Variants in FRMPD4 observed in about 807,000 individuals in gnomAD.
FRMPD4 encodes FERM and PDZ domain containing 4, also known as FERM and PDZ domain-containing protein 4.
FRMPD4 carries 22 observed loss-of-function variants against 94.1 expected under a neutral mutation model. The ratio of observed to expected loss-of-function variants is 0.23; its 90% CI spans 0.17 to 0.33. The LOEUF (loss-of-function observed/expected upper bound fraction) is 0.33. Among genes scored for constraint, FRMPD4 ranks in the 10% least tolerant of loss-of-function variants. The pLI is 1.00. For synonymous variants in FRMPD4, 631 were observed against 548.6 expected (o/e 1.15, Z -2.10); for missense variants, 1,111 against 1,339.9 (o/e 0.83, Z 2.67).
intron 3 of FRMPD4, among the ~76,000 whole-genome samples, chrX:11,906,278 G>C (rs1336571184): frequency 1.8e-5 from 2 of 109,862 alleles, no homozygotes; most frequent in African/African-American, 3.3e-5. Context: ...CTCCCGAGTA[G>C]CTGGGACTAC....
intron 3 of FRMPD4, among the ~76,000 whole-genome samples, chrX:12,006,101 G>A (rs2054552426): frequency 9.0e-6 from 1 of 111,714 alleles, no homozygotes; most frequent in African/African-American, 3.3e-5. Context: ...ACTGCCTGAA[G>A]CTCCTGGTCC....
At chrX:12,182,138 A>G (rs190974774) in intron 1 of FRMPD4, among the ~76,000 whole-genome samples, 1 of 111,551 alleles carries the variant, frequency 9.0e-6, no homozygotes, top group South Asian at 3.8e-4. Context: ...GGTAGTTCCA[A>G]AATAAAAACA....
intron 1 of FRMPD4, among the ~76,000 whole-genome samples, chrX:12,336,969 C>T (rs771870368): frequency 9.0e-6 from 1 of 111,059 alleles, no homozygotes; most frequent in East Asian, 2.8e-4. Flanking sequence ...GCTGGCAGGG[C>T]TTGAGTGGGA....
At chrX:12,645,629 A>T (rs2059541643) in intron 4 of FRMPD4, among the ~76,000 whole-genome samples, 1 of 110,447 alleles carries the variant, frequency 9.1e-6, no homozygotes, top group South Asian at 3.9e-4. Flanking sequence ...TGCTGGGATT[A>T]CAGGCGTGAG....
chrX:12,606,941 T>G (rs144882860), intron 2 of FRMPD4, among the ~76,000 whole-genome samples: 2,253 of 111,394 alleles, frequency 0.02, 53 homozygotes, highest in African/African-American at 0.07. Context: ...GCCCCATTCT[T>G]CCCCAGGCAT....
At chrX:11,993,248 C>T (rs1209956506) in intron 3 of FRMPD4, among the ~76,000 whole-genome samples, 2 of 110,395 alleles carry the variant, frequency 1.8e-5, no homozygotes, top group African/African-American at 6.6e-5. Flanking sequence ...GTATGGGTAC[C>T]CTCCCTCCCC....
chrX:12,348,821 C>A (rs1273897525), intron 1 of FRMPD4, among the ~76,000 whole-genome samples: 1 of 111,191 alleles, frequency 9.0e-6, no homozygotes, highest in Non-Finnish European at 1.9e-5. Context: ...TATGATGTTC[C>A]CCTCATAAAG....
intron 2 of FRMPD4, among the ~76,000 whole-genome samples, chrX:12,527,487 GTT>G (rs752107917): frequency 0.06 from 4,660 of 77,326 alleles, 116 homozygotes; most frequent in African/African-American, 0.14. Context: ...CTGAGTTACA[GTT>G]TTTTTTTTTT....
chrX:12,085,588 A>T (rs2055101941), intron 3 of FRMPD4, among the ~76,000 whole-genome samples: 2 of 111,805 alleles, frequency 1.8e-5, no homozygotes, highest in Non-Finnish European at 3.8e-5. Flanking sequence ...TGGATGCTGG[A>T]CATGTGGGCA....
chrX:12,681,877 T>C (rs2059976325), intron 5 of FRMPD4, among the ~76,000 whole-genome samples: 1 of 111,815 alleles, frequency 8.9e-6, no homozygotes, highest in African/African-American at 3.3e-5. Context: ...TTTACAACCA[T>C]TGCCGCTACC....
chrX:12,359,991 G>A (rs1601856480), intron 1 of FRMPD4, among the ~76,000 whole-genome samples: 1 of 111,866 alleles, frequency 8.9e-6, no homozygotes, highest in Non-Finnish European at 1.9e-5. Flanking sequence ...TGTGAATCAC[G>A]CTTGATGGAG....
chrX:11,947,083 G>A (rs951581551), intron 3 of FRMPD4, among the ~76,000 whole-genome samples: 10 of 111,341 alleles, frequency 9.0e-5, no homozygotes, highest in Non-Finnish European at 1.9e-4. Flanking sequence ...CTTACAGCCT[G>A]GGACCTTGAA....
intron 1 of FRMPD4, among the ~76,000 whole-genome samples, chrX:12,186,418 T>A (rs1450657551): frequency 2.7e-5 from 3 of 111,799 alleles, no homozygotes; most frequent in African/African-American, 9.7e-5. Context: ...AGCATAATTA[T>A]TTAATTGTTT....
chrX:12,587,034 C>T (rs919114368), intron 2 of FRMPD4, among the ~76,000 whole-genome samples: 2 of 108,515 alleles, frequency 1.8e-5, no homozygotes, highest in Non-Finnish European at 3.8e-5. Context: ...TGGAGTGTAG[C>T]GGTGTGATCT....
intron 4 of FRMPD4, among the ~76,000 whole-genome samples, chrX:12,673,373 G>A (rs2059863323): frequency 8.9e-6 from 1 of 111,841 alleles, no homozygotes; most frequent in South Asian, 3.8e-4. Flanking sequence ...TGTTATCCTG[G>A]AGATGGACAC....
intron 4 of FRMPD4, among the ~76,000 whole-genome samples, chrX:12,628,431 C>T (rs1452099913): frequency 8.9e-6 from 1 of 111,768 alleles, no homozygotes; most frequent in Non-Finnish European, 1.9e-5. Flanking sequence ...CATGTCACCC[C>T]TTGTTCACCA....
chrX:12,276,909 C>A (rs2054446220), intron 1 of FRMPD4, among the ~76,000 whole-genome samples: 1 of 110,200 alleles, frequency 9.1e-6, no homozygotes, highest in African/African-American at 3.3e-5. Flanking sequence ...ATCACGAGGT[C>A]AGGAGATCGA....
At chrX:12,605,807 C>G (rs2059127735) in intron 2 of FRMPD4, among the ~76,000 whole-genome samples, 1 of 111,168 alleles carries the variant, frequency 9.0e-6, no homozygotes, top group African/African-American at 3.3e-5. Flanking sequence ...CCCACCCACT[C>G]CACCCACTCA....
intron 1 of FRMPD4, among the ~76,000 whole-genome samples, chrX:12,472,400 TAAAC>T (rs1169776510): frequency 8.9e-6 from 1 of 112,491 alleles, no homozygotes; most frequent in East Asian, 2.8e-4. Flanking sequence ...GAAGTGCTCT[TAAAC>T]AACGACTTGT....
Sources: allele counts gnomAD v4.1 joint callset (sites outside exome capture counted in the v4.1 genomes callset), GRCh38; gene constraint gnomAD v4.1.1; transcripts MANE v1.5; gene names NCBI Gene and HGNC (gene_info 2026-07-23, HGNC 2026-07-21).